CCDC148: variants seen among roughly 807,000 people sequenced by gnomAD.
CCDC148 encodes the protein coiled-coil domain-containing protein 148.
In CCDC148, 89 loss-of-function variants were observed where a neutral mutation model predicts 85.7. The observed-to-expected ratio is 1.04, with a 90% confidence interval of 0.87 to 1.24. CCDC148 has a LOEUF of 1.24. Among genes scored for constraint, CCDC148 ranks in the 50% most tolerant of loss-of-function variants. The pLI is 0.00. For synonymous variants in CCDC148, 230 were observed against 213.9 expected, an observed-to-expected ratio of 1.08 and a Z score of -0.66; for missense variants, 692 against 671.7, an observed-to-expected ratio of 1.03 and a Z score of -0.33.
intron 8 of CCDC148, among the ~76,000 whole-genome samples, chr2:158,313,215 A>G (rs534868615): frequency 6.6e-6 from 1 of 152,364 alleles, no homozygotes; most frequent in South Asian, 2.1e-4. Flanking sequence ...TTAGGAAAAT[A>G]TCAGTCACAT....
chr2:158,436,163 T>A (rs1052001603), intron 1 of CCDC148, among the ~76,000 whole-genome samples: 4 of 152,106 alleles, frequency 2.6e-5, no homozygotes, highest in African/African-American at 7.2e-5. Flanking sequence ...CCCCAAATCA[T>A]CAGAATATAC....
At chr2:158,350,253 CATA>C (rs1683193936) in intron 2 of CCDC148, among the ~76,000 whole-genome samples, 1 of 152,126 alleles carries the variant, frequency 6.6e-6, no homozygotes, top group African/African-American at 2.4e-5. Context: ...TTGATGCTTT[CATA>C]ATGAGTCTAT....
intron 11 of CCDC148, among the ~76,000 whole-genome samples, chr2:158,218,135 A>AT: frequency 6.6e-6 from 1 of 152,266 alleles, no homozygotes; most frequent in South Asian, 2.1e-4. Context: ...TTTTTCACTG[A>AT]TTTTCCACTG....
intron 9 of CCDC148, among the ~76,000 whole-genome samples, chr2:158,263,074 A>C (rs1172894419): frequency 3.3e-5 from 5 of 151,968 alleles, no homozygotes; most frequent in Non-Finnish European, 7.4e-5. Flanking sequence ...CTGTCTCTCT[A>C]GTCTTTTATC....
intron 11 of CCDC148, 110 bp downstream of exon 11, chr2:158,220,484 AG>A (rs1687116116): frequency 2.9e-6 from 2 of 689,216 alleles, no homozygotes; most frequent in Non-Finnish European, 5.0e-6. Flanking sequence ...AAATATTGAA[AG>A]GATACATTAA....
chr2:158,238,585 G>A (rs1171690737), intron 10 of CCDC148, among the ~76,000 whole-genome samples: 1 of 152,060 alleles, frequency 6.6e-6, no homozygotes, highest in Admixed American at 6.6e-5. Context: ...ATAATGGTCT[G>A]GTGTCCTGTA....
chr2:158,266,905 T>TAC (rs139137621), intron 9 of CCDC148, among the ~76,000 whole-genome samples: 1 of 140,098 alleles, frequency 7.1e-6, no homozygotes, highest in Non-Finnish European at 1.6e-5. Context: ...CATATATATA[T>TAC]ACACACACAT....
At chr2:158,373,877 T>C (rs901446701) in intron 1 of CCDC148, among the ~76,000 whole-genome samples, 2 of 152,092 alleles carry the variant, frequency 1.3e-5, no homozygotes, top group Admixed American at 6.6e-5. Flanking sequence ...TTAGGATATA[T>C]GCTCCATGAA....
intron 9 of CCDC148, among the ~76,000 whole-genome samples, chr2:158,262,564 G>A (rs1689276921): frequency 6.6e-6 from 1 of 152,106 alleles, no homozygotes; most frequent in Non-Finnish European, 1.5e-5. Context: ...ATAAAGAAAA[G>A]AAGTTTCATT....
intron 8 of CCDC148, among the ~76,000 whole-genome samples, chr2:158,311,291 G>A (rs1018174209): frequency 8.5e-5 from 13 of 152,220 alleles, no homozygotes; most frequent in East Asian, 5.8e-4. Context: ...CCAACACGGC[G>A]AAACCCCGTC....
chr2:158,174,369 C>A (rs1198443907), intron 13 of CCDC148, among the ~76,000 whole-genome samples: 1 of 152,034 alleles, frequency 6.6e-6, no homozygotes, highest in Non-Finnish European at 1.5e-5. Flanking sequence ...CTCTCCCTTT[C>A]TCAGCCAGAG....
intron 10 of CCDC148, among the ~76,000 whole-genome samples, chr2:158,233,940 G>A (rs1687975322): frequency 6.6e-6 from 1 of 152,096 alleles, no homozygotes; most frequent in Non-Finnish European, 1.5e-5. Context: ...CACTTTGGGA[G>A]GCCGAGGTGG....
intron 13 of CCDC148, among the ~76,000 whole-genome samples, chr2:158,173,521 G>A (rs961139633): frequency 1.1e-4 from 17 of 151,982 alleles, no homozygotes; most frequent in Admixed American, 1.1e-3. Context: ...CCGAGAGAGT[G>A]GTTAGGAATT....
chr2:158,387,980 G>T (rs555133855), intron 1 of CCDC148, among the ~76,000 whole-genome samples: 1 of 152,278 alleles, frequency 6.6e-6, no homozygotes, highest in South Asian at 2.1e-4. Context: ...CCAGTGTAGA[G>T]ACCAGCACTG....
rs113793530 is a variant in CCDC148, at chr2:158,432,078, C to G, written c.25+24337G>C. On this transcript the variant is annotated intron_variant, in intron 1 of 13. Coordinates refer to ENST00000283233, the MANE Select transcript of CCDC148 (RefSeq NM_138803.4). ...TTATATAATGAATAAGCTGATAAAA[C>G]ATAATTTAAGATATACTGTACTGAG... Among the ~76,000 whole-genome samples the G allele has an allele frequency of 3.8e-3, 576 of 151,646 alleles. 2 individuals are homozygous for G. Among genetic ancestry groups the G allele is most frequent in the African/African-American group, 0.013 (554 of 41,350 alleles).
intron 1 of CCDC148, among the ~76,000 whole-genome samples, chr2:158,364,332 A>G (rs1397780943): frequency 2.0e-5 from 3 of 152,218 alleles, no homozygotes; most frequent in Non-Finnish European, 1.5e-5. Context: ...TATGGAACCA[A>G]AAAAGAGCCT....
chr2:158,333,714 A>G (rs1008508846), intron 7 of CCDC148, among the ~76,000 whole-genome samples: 4 of 152,058 alleles, frequency 2.6e-5, no homozygotes, highest in Admixed American at 2.6e-4. Flanking sequence ...TTGGGTGCAT[A>G]TATATTTAGG....
intron 10 of CCDC148, among the ~76,000 whole-genome samples, chr2:158,234,566 C>T (rs1688010017): frequency 6.6e-6 from 1 of 151,906 alleles, no homozygotes; most frequent in South Asian, 2.1e-4. Flanking sequence ...AATTAACAGG[C>T]AGGAATCTAT....
chr2:158,371,022 A>C (rs79814039), intron 1 of CCDC148, among the ~76,000 whole-genome samples: 1,861 of 152,102 alleles, frequency 0.012, 84 homozygotes, highest in Admixed American at 0.085. Flanking sequence ...ATAATTTCTA[A>C]ATTTTTCTTA....
Sources: gnomAD v4.1 joint callset for allele counts (sites outside exome capture counted in the v4.1 genomes callset) on GRCh38, gnomAD v4.1.1 for gene constraint, MANE v1.5 for transcripts, NCBI Gene and HGNC (gene_info 2026-07-23, HGNC 2026-07-21) for gene names.